The following RIN2 variants were observed in gnomAD, a reference collection of about 807,000 sequenced individuals.
The protein encoded by RIN2 is RAB5 interacting protein 2.
RIN2 carries 36 observed loss-of-function variants against 78.0 expected under a neutral mutation model. The observed-to-expected ratio is 0.46, with a 90% confidence interval of 0.35 to 0.61. The LOEUF (loss-of-function observed/expected upper bound fraction) is 0.61, where lower values mean the gene tolerates loss of function less well. Among genes scored for constraint, RIN2 ranks in the 20% least tolerant of loss-of-function variants. The pLI is 0.00. For missense variants in RIN2, 1,087 were observed against 1,159.7 expected (o/e 0.94, Z 0.91); for synonymous variants, 466 against 466.8 (o/e 1.00, Z 0.02).
chr20:19,871,606 T>C (rs6046393), intron 2 of RIN2, among the ~76,000 whole-genome samples: 34,926 of 152,096 alleles, frequency 0.23, 4,319 homozygotes, highest in African/African-American at 0.33. Flanking sequence ...TAGGTTGGCT[T>C]GTTCTAGGTT....
chr20:19,932,812 T>A (rs535537127), intron 3 of RIN2, among the ~76,000 whole-genome samples: 1 of 152,354 alleles, frequency 6.6e-6, no homozygotes, highest in African/African-American at 2.4e-5. Flanking sequence ...ATTTATTTGA[T>A]GGCTGATAAA....
In RIN2 at chr20:19,881,347, C is replaced by A. The variant is rs550327527; in HGVS notation, c.-36-8219C>A. Among the ~76,000 whole-genome samples the A allele has an allele frequency of 4.6e-5, 7 of 152,160 alleles. No homozygotes were observed. In the East Asian group the frequency reaches 1.4e-3, roughly 29 times the overall value. On this transcript the variant is annotated intron_variant, in intron 2 of 12. Coordinates refer to ENST00000255006, the MANE Select transcript of RIN2 (RefSeq NM_018993.4). Reference sequence around the variant, plus strand: ...AAGCCAGTTGTTAAACATTTCCCTGCGCATCACTAACTAAAGGGAAGGGTA... The same window carrying A: ...AAGCCAGTTGTTAAACATTTCCCTGAGCATCACTAACTAAAGGGAAGGGTA...
At chr20:19,804,258 G>A (rs1012595047) in intron 2 of RIN2, among the ~76,000 whole-genome samples, 11 of 152,146 alleles carry the variant, frequency 7.2e-5, no homozygotes, top group African/African-American at 2.7e-4. Flanking sequence ...GTGAAAGAGG[G>A]CATCCTTATC....
rs865919406 is a variant in RIN2 at position 19,990,137 on chromosome 20, C to T, written c.1894C>T (p.Arg632Trp). 6.2e-7 allele frequency: 1 copy of T among 1,601,336 alleles called. No individual in the cohort carries two copies. Among genetic ancestry groups the T allele is most frequent in the Non-Finnish European group, 8.5e-7 (1 of 1,173,934 alleles). Residue 632 changes from arginine to tryptophan, a missense_variant, in exon 10 of 13, where the codon CGG becomes TGG. Arg to Trp is a moderately radical substitution (Grantham distance 101). This residue lies in a region of RIN2 where 97 missense variants were observed against 104.8 expected (regional missense o/e 0.93). Coordinates refer to ENST00000255006, the MANE Select transcript of RIN2 (RefSeq NM_018993.4). Reference sequence around the variant, plus strand: ...ACTCAAGGAGAACCTGCAGCTTGTGCGGCAGAGGAATCCGCAGGAGCTGGG... The same window carrying T: ...ACTCAAGGAGAACCTGCAGCTTGTGTGGCAGAGGAATCCGCAGGAGCTGGG... ...KQLKENLQLVRQRNPQELGVF... is the reference protein window; with the variant it reads ...KQLKENLQLVWQRNPQELGVF...
chr20:19,852,978 C>T (rs531390302), intron 2 of RIN2, among the ~76,000 whole-genome samples: 12 of 151,246 alleles, frequency 7.9e-5, no homozygotes, highest in African/African-American at 1.7e-4. Context: ...TGGTGTGCTG[C>T]ACCCATTAAC....
At chr20:19,787,478 G>C (rs1170826885) in intron 1 of RIN2, among the ~76,000 whole-genome samples, 1 of 151,158 alleles carries the variant, frequency 6.6e-6, no homozygotes, top group African/African-American at 2.4e-5. Context: ...CCTCAAATGC[G>C]GGGCTAGAGG....
intron 1 of RIN2, among the ~76,000 whole-genome samples, chr20:19,790,062 C>T (rs2034840380): frequency 6.6e-6 from 1 of 152,252 alleles, no homozygotes; most frequent in South Asian, 2.1e-4. Flanking sequence ...AAATGTGGCA[C>T]CCAGAATTGA....
At position 20,001,610 on chromosome 20, in the gene RIN2, G is replaced by T. The variant is rs1008364752; in HGVS notation, c.*674G>T. The T allele has an allele frequency of 6.6e-6, 1 of 152,496 alleles. No homozygotes were observed. The highest frequency in any genetic ancestry group is 6.6e-5 in the Admixed American group (1 of 15,260). The allele number at this position is 152,496 out of a possible 1,614,324, so 9.4% of individuals were successfully genotyped here. On this transcript the variant is annotated 3_prime_UTR_variant, in exon 13 of 13. Transcript: ENST00000255006. ...TAACTGGATGTTTTGGCAACTTTGT[G>T]GGGAGAGACTGCTGGATTTCTTAAA... is the stretch of plus-strand genomic sequence containing the variant.
At chr20:19,910,557 G>A (rs550674238) in intron 3 of RIN2, among the ~76,000 whole-genome samples, 1 of 142,360 alleles carries the variant, frequency 7.0e-6, no homozygotes, top group Non-Finnish European at 1.5e-5. Flanking sequence ...TTTTCTCTGT[G>A]AGAGGAAGTG....
rs762832297 is a variant in RIN2, at chr20:19,889,663, A to G, written c.57+5A>G. On this transcript the variant is annotated splice_donor_5th_base_variant and intron_variant, in intron 3 of 12. Transcript: ENST00000255006. ...AAGCGAGGAAGTTTCTTTAAGGTAA[A>G]AGGAAGCCTTGATTGGGATCTCAAC... 4.0e-6 allele frequency: 6 copies of G among 1,495,072 alleles called. No individual in the cohort carries two copies. The highest frequency in any genetic ancestry group is 5.1e-5 in the East Asian group (2 of 39,102). 92.6% of individuals were successfully genotyped at this position (1,495,072 alleles called of 1,614,324 possible).
chr20:19,759,781 C>T (rs1960338397), intron 1 of RIN2, among the ~76,000 whole-genome samples: 1 of 152,178 alleles, frequency 6.6e-6, no homozygotes, highest in South Asian at 2.1e-4. Flanking sequence ...GGGAGAATCA[C>T]TTGAACCTGG....
chr20:19,886,755 G>T lies in RIN2; in HGVS notation c.-36-2811G>T, dbSNP rs1266860834. On this transcript the variant is annotated intron_variant, in intron 2 of 12. Coordinates refer to ENST00000255006, the MANE Select transcript of RIN2 (RefSeq NM_018993.4). Reference sequence around the variant, plus strand: ...AGCTTCCAACCGGTACAAGTCTGGAGGAATTTCACAGCCTCTCAAACTACG... The same window carrying T: ...AGCTTCCAACCGGTACAAGTCTGGATGAATTTCACAGCCTCTCAAACTACG... 8 of 1,541,962 alleles carry T rather than the reference G, an allele frequency of 5.2e-6. No individual in the cohort carries two copies. In the Admixed American group the frequency reaches 1.6e-4, roughly 31 times the overall value.
At chr20:19,958,058 G>A (rs980127791) in intron 5 of RIN2, among the ~76,000 whole-genome samples, 115 of 152,334 alleles carry the variant, frequency 7.5e-4, no homozygotes, top group African/African-American at 2.7e-3. Flanking sequence ...TAAGAATTGG[G>A]CACTAAATAC....
chr20:19,802,314 A>C (rs1013714058), intron 2 of RIN2, among the ~76,000 whole-genome samples: 1 of 152,050 alleles, frequency 6.6e-6, no homozygotes, highest in Admixed American at 6.6e-5. Flanking sequence ...GGTGACCTAC[A>C]TGCTTGGCAG....
intron 2 of RIN2, among the ~76,000 whole-genome samples, chr20:19,851,684 T>C (rs532261197): frequency 8.5e-5 from 13 of 152,226 alleles, no homozygotes; most frequent in African/African-American, 3.1e-4. Flanking sequence ...ATTGTGCTAC[T>C]ACACTCCAAC....
intron 2 of RIN2, among the ~76,000 whole-genome samples, chr20:19,836,921 G>C (rs1021206534): frequency 6.6e-6 from 1 of 152,090 alleles, no homozygotes. Flanking sequence ...CAGAGTCTTA[G>C]TGACAAGTAT....
intron 4 of RIN2, among the ~76,000 whole-genome samples, chr20:19,955,356 G>A (rs1441280682): frequency 1.3e-5 from 2 of 150,632 alleles, no homozygotes; most frequent in African/African-American, 2.4e-5. Context: ...CTTTTTTTGA[G>A]ACAGGGCCTC....
At chr20:19,845,558 C>CTTCA (rs1338680061) in intron 2 of RIN2, among the ~76,000 whole-genome samples, 1 of 143,044 alleles carries the variant, frequency 7.0e-6, no homozygotes, top group Non-Finnish European at 1.5e-5. Flanking sequence ...TGTTCATACC[C>CTTCA]TTCACCTACT....
chr20:19,788,699 C>CAA (rs879426070), intron 1 of RIN2, among the ~76,000 whole-genome samples: 3 of 149,922 alleles, frequency 2.0e-5, no homozygotes, highest in Non-Finnish European at 4.4e-5. Flanking sequence ...CAGTACCATA[C>CAA]AAAAAAAACC....
Sources: gnomAD v4.1 joint callset for allele counts (sites outside exome capture counted in the v4.1 genomes callset) on GRCh38, gnomAD v4.1.1 for gene constraint, gnomAD v4.1.1 regional missense constraint, MANE v1.5 for transcripts, NCBI Gene and HGNC (gene_info 2026-07-23, HGNC 2026-07-21) for gene names.